The following DGKB variants were observed in gnomAD, a reference collection of about 807,000 sequenced individuals.
DGKB encodes diacylglycerol kinase beta, also known as 90 kDa diacylglycerol kinase.
In DGKB, 67 loss-of-function variants were observed where a neutral mutation model predicts 114.3. The observed-to-expected ratio is 0.59, with a 90% CI of 0.48 to 0.72. The LOEUF (loss-of-function observed/expected upper bound fraction) is 0.72. Among genes scored for constraint, DGKB ranks in the 30% least tolerant of loss-of-function variants. The probability of loss-of-function intolerance (pLI) is 0.00; values close to 1 mark genes in which losing one functional copy is unlikely to be tolerated. For missense variants in DGKB, 907 were observed against 975.2 expected, an observed-to-expected ratio of 0.93 and a Z score of 0.93; for synonymous variants, 398 against 323.1, an observed-to-expected ratio of 1.23 and a Z score of -2.49.
chr7:14,367,623 T>C (rs549298594), intron 21 of DGKB, among the ~76,000 whole-genome samples: 2 of 152,158 alleles, frequency 1.3e-5, no homozygotes, highest in East Asian at 1.9e-4. Flanking sequence ...GATGCTTATA[T>C]GATGTTAGGT....
At chr7:14,842,661 G>T (rs1187741430) in intron 1 of DGKB, among the ~76,000 whole-genome samples, 1 of 152,104 alleles carries the variant, frequency 6.6e-6, no homozygotes, top group Non-Finnish European at 1.5e-5. Flanking sequence ...TCTCTCTCTG[G>T]TTACAGGCAG....
rs112037831 is a variant in DGKB, at chr7:14,270,115, T to C, written c.2122+68400A>G. Among the ~76,000 whole-genome samples the C allele has an allele frequency of 5.0e-3, 759 of 151,074 alleles. 6 individuals are homozygous for C. The highest frequency in any genetic ancestry group is 0.017 in the African/African-American group (717 of 41,166). On this transcript the variant is annotated intron_variant, in intron 23 of 25. Coordinates refer to ENST00000402815, the MANE Select transcript of DGKB (RefSeq NM_001350709.2). ...AATGCACTTCACGATAAGGGAGTTT[T>C]ATATATAATGTGCATGTAAGATGGT...
At chr7:14,547,683 T>C (rs1794501523) in intron 20 of DGKB, among the ~76,000 whole-genome samples, 1 of 151,936 alleles carries the variant, frequency 6.6e-6, no homozygotes, top group Admixed American at 6.6e-5. Flanking sequence ...GAACTTTTTT[T>C]TAATGTTAAA....
intron 21 of DGKB, among the ~76,000 whole-genome samples, chr7:14,416,926 A>G (rs1305586207): frequency 6.6e-6 from 1 of 152,056 alleles, no homozygotes; most frequent in East Asian, 1.9e-4. Flanking sequence ...TCAATGAACA[A>G]GATTGTCGTC....
chr7:14,308,214 G>T lies in DGKB; in HGVS notation c.2122+30301C>A, dbSNP rs373441803. On this transcript the variant is annotated intron_variant, in intron 23 of 25. Coordinates refer to ENST00000402815, the MANE Select transcript of DGKB (RefSeq NM_001350709.2). ...TTTCATGTCATAAACATTTTCAAAT[G>T]ATATTAAAATTATTTAACCTCAGAT... 1.1e-4 allele frequency among the ~76,000 whole-genome samples: 16 copies of T among 152,064 alleles called. No individual in the cohort carries two copies. The South Asian group carries it at 3.3e-3, about 32-fold the overall frequency.
At chr7:14,868,957 A>T (rs917222183) in intron 1 of DGKB, among the ~76,000 whole-genome samples, 61 of 152,332 alleles carry the variant, frequency 4.0e-4, no homozygotes, top group African/African-American at 1.5e-3. Context: ...AGCTCCATGA[A>T]GACACTTGGA....
At chr7:14,941,405 A>G (rs538513089) in intron 1 of DGKB, among the ~76,000 whole-genome samples, 2 of 152,204 alleles carry the variant, frequency 1.3e-5, no homozygotes, top group South Asian at 4.1e-4. Flanking sequence ...TAGCTGAATG[A>G]ATTGAATAGG....
chr7:14,427,814 C>T (rs1474201645), intron 21 of DGKB, among the ~76,000 whole-genome samples: 1 of 152,096 alleles, frequency 6.6e-6, no homozygotes, highest in Non-Finnish European at 1.5e-5. Context: ...AGGTCTCTCC[C>T]ACAACATGTG....
At chr7:14,239,643 C>G (rs1437506120) in intron 23 of DGKB, among the ~76,000 whole-genome samples, 1 of 151,980 alleles carries the variant, frequency 6.6e-6, no homozygotes, top group Non-Finnish European at 1.5e-5. Flanking sequence ...AAATGACATG[C>G]TAAGATCAAA....
Position 14,613,330 on chromosome 7 carries a change from A to G in DGKB, c.1358+10T>C. The G allele has an allele frequency of 6.5e-7, 1 of 1,544,142 alleles. No individual in the cohort carries two copies. Among genetic ancestry groups the G allele is most frequent in the Non-Finnish European group, 8.8e-7 (1 of 1,137,138 alleles). On this transcript the variant is annotated intron_variant, in intron 16 of 25. Coordinates refer to ENST00000402815, the MANE Select transcript of DGKB (RefSeq NM_001350709.2). ...ATGACATAGACACTAAAATCAATCAAAAAACATACCGTTCTCCTTGTTTTC... is the reference window on the plus strand; with the variant it reads ...ATGACATAGACACTAAAATCAATCAGAAAACATACCGTTCTCCTTGTTTTC...
chr7:14,946,449 C>A (rs555125682), intron 1 of DGKB, among the ~76,000 whole-genome samples: 3 of 151,758 alleles, frequency 2.0e-5, no homozygotes, highest in Non-Finnish European at 3.0e-5. Context: ...CTATTTTATT[C>A]AAACTGAATC....
intron 1 of DGKB, among the ~76,000 whole-genome samples, chr7:14,972,807 T>C (rs375125210): frequency 5.3e-5 from 8 of 152,082 alleles, no homozygotes; most frequent in African/African-American, 1.7e-4. Context: ...TATAGCGAAA[T>C]ATATCATTTG....
At position 14,487,804 on chromosome 7, in the gene DGKB, G is replaced by C. The variant is rs182778115; in HGVS notation, c.1771-9579C>G. 2.7e-3 allele frequency among the ~76,000 whole-genome samples: 410 copies of C among 150,822 alleles called. 1 individual carries two copies. The highest frequency in any genetic ancestry group is 8.4e-3 in the African/African-American group (344 of 41,074). On this transcript the variant is annotated intron_variant, in intron 20 of 25. Coordinates refer to ENST00000402815, the MANE Select transcript of DGKB (RefSeq NM_001350709.2). ...TTTTTTCTTTAGAGATGAGAGATGA[G>C]GTCAAGCTATGTTGTCCAGGCTACT...
intron 21 of DGKB, among the ~76,000 whole-genome samples, chr7:14,352,323 C>T (rs1050818301): frequency 6.6e-6 from 1 of 151,808 alleles, no homozygotes; most frequent in Non-Finnish European, 1.5e-5. Context: ...TTCAACAATT[C>T]CCTATGGAAA....
In DGKB at chr7:14,658,547, T is replaced by A. The variant is rs138485665; in HGVS notation, c.1134+14382A>T. Among the ~76,000 whole-genome samples, 49 of 151,956 alleles carry A rather than the reference T, an allele frequency of 3.2e-4. No homozygotes were observed. The East Asian group carries it at 9.5e-3, about 29-fold the overall frequency. ...TGACGATAGTTTCACACATTGTATG[T>A]TTCAAAATAGCTGGAAGAGAGGACT... On this transcript the variant is annotated intron_variant, in intron 13 of 25. Coordinates refer to ENST00000402815, the MANE Select transcript of DGKB (RefSeq NM_001350709.2).
At chr7:14,393,001 T>G (rs59581360) in intron 21 of DGKB, among the ~76,000 whole-genome samples, 7 of 13,292 alleles carry the variant, frequency 5.3e-4, no homozygotes, top group Non-Finnish European at 3.4e-3. Flanking sequence ...TTTTGTTTTT[T>G]TTTTTTTGAG....
chr7:14,674,816 C>G (rs117427771), intron 12 of DGKB, among the ~76,000 whole-genome samples: 1,617 of 152,174 alleles, frequency 0.011, 6 homozygotes, highest in Non-Finnish European at 0.018. Flanking sequence ...TAGGAAGAAG[C>G]AGAAAAGGAT....
chr7:14,937,034 AC>A (rs1785307092), intron 1 of DGKB, among the ~76,000 whole-genome samples: 1 of 110,618 alleles, frequency 9.0e-6, no homozygotes, highest in African/African-American at 4.1e-5. Flanking sequence ...CTACACACAC[AC>A]ACACACACAC....
chr7:14,388,828 A>G (rs1000730537), intron 21 of DGKB, among the ~76,000 whole-genome samples: 2 of 152,192 alleles, frequency 1.3e-5, no homozygotes, highest in Non-Finnish European at 2.9e-5. Flanking sequence ...CTGAGGAAAG[A>G]GCACAGAGAC....
Sources: allele counts gnomAD v4.1 joint callset (sites outside exome capture counted in the v4.1 genomes callset), GRCh38; gene constraint gnomAD v4.1.1; transcripts MANE v1.5; gene names NCBI Gene and HGNC (gene_info 2026-07-23, HGNC 2026-07-21).